TMEM178A: variants seen among roughly 807,000 people sequenced by gnomAD.
TMEM178A encodes transmembrane protein 178A, also known as transmembrane protein 178.
Under a neutral mutation model 29.1 loss-of-function variants are expected in TMEM178A, and 12 were observed. The ratio of observed to expected loss-of-function variants is 0.41; its 90% confidence interval spans 0.26 to 0.67. The LOEUF is 0.67. TMEM178A is among the 30% of genes least tolerant of loss of function. TMEM178A has a pLI of 0.29. For synonymous variants in TMEM178A, 210 were observed against 187.2 expected, an observed-to-expected ratio of 1.12 and a Z score of -0.99; for missense variants, 366 against 419.1, an observed-to-expected ratio of 0.87 and a Z score of 1.11.
chr2:39,707,885 C>T (rs552053084), intron 3 of TMEM178A, among the ~76,000 whole-genome samples: 189 of 152,310 alleles, frequency 1.2e-3, no homozygotes, highest in Non-Finnish European at 2.5e-3. Flanking sequence ...ACCCATGCCC[C>T]GCTGGATGTC....
intron 2 of TMEM178A, 85 bp downstream of exon 2, chr2:39,704,279 G>T: frequency 8.6e-7 from 1 of 1,163,262 alleles, no homozygotes; most frequent in Non-Finnish European, 1.3e-6. Context: ...CTGGACAGAA[G>T]GATGTTGTTC....
intron 1 of TMEM178A, among the ~76,000 whole-genome samples, chr2:39,684,882 A>G (rs1558448978): frequency 6.6e-6 from 1 of 152,050 alleles, no homozygotes. Context: ...TACTTCCCCC[A>G]GTGCCACCCA....
chr2:39,726,183 G>A, the TMEM178A span, among the ~76,000 whole-genome samples: 1 of 152,098 alleles, frequency 6.6e-6, no homozygotes, highest in African/African-American at 2.4e-5. Context: ...GTAGGTGGTG[G>A]TGATATGTGC....
intron 3 of TMEM178A, among the ~76,000 whole-genome samples, chr2:39,715,586 G>T (rs913861528): frequency 2.6e-5 from 4 of 152,166 alleles, no homozygotes; most frequent in Non-Finnish European, 4.4e-5. Context: ...CAGAAGAAAA[G>T]ATTTTATCCT....
intron 1 of TMEM178A, among the ~76,000 whole-genome samples, chr2:39,670,214 G>T (rs1670354004): frequency 6.6e-6 from 1 of 152,176 alleles, no homozygotes; most frequent in Non-Finnish European, 1.5e-5. Flanking sequence ...GTCTTTAGGT[G>T]TAAAAATCTG....
At chr2:39,668,422 CTAGGTTGTG>C (rs1220160119) in intron 1 of TMEM178A, among the ~76,000 whole-genome samples, 1 of 152,146 alleles carries the variant, frequency 6.6e-6, no homozygotes, top group Non-Finnish European at 1.5e-5. Flanking sequence ...CTGAAGAGTT[CTAGGTTGTG>C]AACAGAAGAT....
upstream of TMEM178A, chr2:39,665,849 C>T (rs1670119235): frequency 5.1e-6 from 4 of 791,152 alleles, no homozygotes; most frequent in Non-Finnish European, 6.4e-6. Context: ...GGCGAGGAGG[C>T]CGTAGGAGGG....
intron 1 of TMEM178A, among the ~76,000 whole-genome samples, chr2:39,668,199 A>G (rs1042384860): frequency 1.3e-5 from 2 of 152,220 alleles, no homozygotes; most frequent in Admixed American, 6.5e-5. Flanking sequence ...GAAGGACTTT[A>G]GAGGTCATTG....
In TMEM178A at chr2:39,702,209, G is replaced by A. The variant is rs115068642; in HGVS notation, c.401-1872G>A. ...GATTATTGTTTTTATTGTTGTTGCT[G>A]TTGTTCCTTTAGTGACTTTCCTGAA... On this transcript the variant is annotated intron_variant, in intron 1 of 3. Transcript: ENST00000281961. Among the ~76,000 whole-genome samples the A allele has an allele frequency of 4.0e-3, 602 of 152,134 alleles. 4 individuals are homozygous for A. Among genetic ancestry groups the A allele is most frequent in the African/African-American group, 0.013 (539 of 41,498 alleles).
At chr2:39,706,016 T>G (rs752147740) in intron 2 of TMEM178A, among the ~76,000 whole-genome samples, 2 of 152,064 alleles carry the variant, frequency 1.3e-5, no homozygotes, top group Non-Finnish European at 2.9e-5. Flanking sequence ...AGCTGCAAGG[T>G]AAATAGAAAA....
At chr2:39,665,823 C>G, upstream of TMEM178A, 1 of 672,602 alleles carries the variant, frequency 1.5e-6, no homozygotes. Flanking sequence ...GGGAGCGAGC[C>G]GGGCCGGGCT....
At chr2:39,680,251 A>G (rs1670810075) in intron 1 of TMEM178A, among the ~76,000 whole-genome samples, 1 of 152,222 alleles carries the variant, frequency 6.6e-6, no homozygotes, top group Non-Finnish European at 1.5e-5. Flanking sequence ...AGATGCCTAG[A>G]AAACAGCAAC....
intron 1 of TMEM178A, among the ~76,000 whole-genome samples, chr2:39,671,668 A>G (rs1040874969): frequency 6.6e-6 from 1 of 152,216 alleles, no homozygotes; most frequent in Non-Finnish European, 1.5e-5. Flanking sequence ...TGACACATAC[A>G]TCATAAAACA....
At chr2:39,688,292 G>A (rs1324200334) in intron 1 of TMEM178A, among the ~76,000 whole-genome samples, 1 of 152,238 alleles carries the variant, frequency 6.6e-6, no homozygotes, top group Admixed American at 6.5e-5. Flanking sequence ...AGCAATTCTG[G>A]TGGTCTCAAA....
intron 1 of TMEM178A, among the ~76,000 whole-genome samples, chr2:39,671,704 TG>T: frequency 6.6e-6 from 1 of 152,204 alleles, no homozygotes. Flanking sequence ...CGAAGGGATG[TG>T]GTAATACATA....
At chr2:39,698,779 T>C (rs1371694523) in intron 1 of TMEM178A, among the ~76,000 whole-genome samples, 1 of 152,000 alleles carries the variant, frequency 6.6e-6, no homozygotes, top group Non-Finnish European at 1.5e-5. Context: ...AGTGAAGCCA[T>C]CTGGTCATGG....
intron 3 of TMEM178A, 110 bp downstream of exon 3, chr2:39,707,296 G>C: frequency 7.4e-7 from 1 of 1,350,390 alleles, no homozygotes; most frequent in Non-Finnish European, 9.9e-7. Context: ...TTCACTGTTA[G>C]AAAAGCAACC....
At chr2:39,707,428 A>C (rs1672084280) in intron 3 of TMEM178A, among the ~76,000 whole-genome samples, 2 of 152,112 alleles carry the variant, frequency 1.3e-5, no homozygotes, top group African/African-American at 4.8e-5. Flanking sequence ...TCTTGGGTTT[A>C]ATCTCTATAT....
the TMEM178A span, among the ~76,000 whole-genome samples, chr2:39,725,434 C>T: frequency 6.6e-6 from 1 of 152,168 alleles, no homozygotes. Flanking sequence ...CGATTCCATA[C>T]ATTCCAATAT....
Sources: gnomAD v4.1 joint callset for allele counts (sites outside exome capture counted in the v4.1 genomes callset) on GRCh38, gnomAD v4.1.1 for gene constraint, MANE v1.5 for transcripts, NCBI Gene and HGNC (gene_info 2026-07-23, HGNC 2026-07-21) for gene names.